Variants in CDK13 observed in about 807,000 individuals in gnomAD.
CDK13 encodes the protein cyclin dependent kinase 13, also known as cyclin-dependent kinase 13.
Under a neutral mutation model 137.6 loss-of-function variants are expected in CDK13, and 40 were observed. That is an observed-to-expected ratio of 0.29 (90% CI 0.23 to 0.38). The LOEUF (loss-of-function observed/expected upper bound fraction) is 0.38. Ranked by LOEUF, CDK13 falls within the 10% of genes least tolerant of loss-of-function variation. CDK13 has a pLI of 1.00. For synonymous variants in CDK13, 869 were observed against 760.1 expected (o/e 1.14, Z -2.36); for missense variants, 1,704 against 1,951.8 (o/e 0.87, Z 2.39).
At chr7:40,006,555 TG>T (rs1332223735) in intron 5 of CDK13, among the ~76,000 whole-genome samples, 1 of 152,190 alleles carries the variant, frequency 6.6e-6, no homozygotes, top group African/African-American at 2.4e-5. Context: ...GGCTAACACC[TG>T]TAATCCCAGC....
In CDK13 at chr7:40,064,782, C is replaced by CTT. The variant is rs545885222; in HGVS notation, c.2780+1698_2780+1699dup. Among the ~76,000 whole-genome samples the CTT allele has an allele frequency of 1.9e-3, 251 of 134,544 alleles. 1 individual carries two copies. Among genetic ancestry groups the CTT allele is most frequent in the South Asian group, 6.7e-3 (28 of 4,166 alleles). 88.3% of individuals were successfully genotyped at this position (134,544 alleles called of 152,430 possible). ...TGAAACATAGAAAACTTTTATGTTA[C>CTT]TTTTTTTTTTTTTTTTTCCTGTTTT... On this transcript the variant is annotated intron_variant, in intron 9 of 13. Coordinates refer to ENST00000181839, the MANE Select transcript of CDK13 (RefSeq NM_003718.5).
chr7:39,979,287 G>T (rs1378168685), intron 1 of CDK13, among the ~76,000 whole-genome samples: 1 of 150,398 alleles, frequency 6.6e-6, no homozygotes, highest in Non-Finnish European at 1.5e-5. Context: ...CATGATCTCG[G>T]TTCACCGCAA....
At chr7:40,037,967 GA>G (rs1177740309) in intron 5 of CDK13, among the ~76,000 whole-genome samples, 2 of 152,058 alleles carry the variant, frequency 1.3e-5, no homozygotes, top group Non-Finnish European at 2.9e-5. Context: ...CCTAAATGTG[GA>G]TATGTTTCCA....
chr7:40,063,015 T>C lies in CDK13; in HGVS notation c.2703-8T>C. On this transcript the variant is annotated splice_polypyrimidine_tract_variant and splice_region_variant and intron_variant, in intron 8 of 13. Transcript: ENST00000181839. Reference sequence around the variant, plus strand: ...TCATTTGGTAATGACGGGTATTTTTTCCATTAGCTGTATCCTTGGCGAACT... The same window carrying C: ...TCATTTGGTAATGACGGGTATTTTTCCCATTAGCTGTATCCTTGGCGAACT... The C allele has an allele frequency of 6.2e-7, 1 of 1,613,280 alleles. No homozygotes were observed. Among genetic ancestry groups the C allele is most frequent in the South Asian group, 1.1e-5 (1 of 91,056 alleles).
intron 7 of CDK13, among the ~76,000 whole-genome samples, chr7:40,056,761 G>A (rs1422892480): frequency 1.3e-5 from 2 of 152,182 alleles, no homozygotes; most frequent in African/African-American, 4.8e-5. Context: ...ATATCATAAG[G>A]ATGTAGACTT....
In CDK13 at chr7:39,988,007, G is replaced by A. The variant is rs2116267162; in HGVS notation, c.1620G>A (p.Lys540=). ...TAAAAAATGACAAAGCAAAAACAAAGCCACCTCTTCAGGTAACGAAGGTGG... is the reference window on the plus strand; with the variant it reads ...TAAAAAATGACAAAGCAAAAACAAAACCACCTCTTCAGGTAACGAAGGTGG... ...GTLKNDKAKT[K]PPLQVTKVEN... is the part of the protein sequence containing the mutation. The change falls in exon 2 of 14, where the codon AAG becomes AAA. Residue 540 remains lysine, a synonymous_variant. Transcript: ENST00000181839. 6.2e-7 allele frequency: 1 copy of A among 1,614,020 alleles called. No individual in the cohort carries two copies. Among genetic ancestry groups the A allele is most frequent in the Non-Finnish European group, 8.5e-7 (1 of 1,179,956 alleles).
At position 39,950,306 on chromosome 7, in the gene CDK13, C is replaced by A. The variant is rs1026401517; in HGVS notation, c.-336C>A. 10 of 1,104,382 alleles carry A rather than the reference C, an allele frequency of 9.1e-6. No homozygotes were observed. The highest frequency in any genetic ancestry group is 5.0e-5 in the East Asian group (1 of 19,868). 68.4% of individuals were successfully genotyped at this position (1,104,382 alleles called of 1,614,324 possible). A position where few individuals can be genotyped will look rare whatever the true frequency, so the allele number is the denominator to read the frequency against. ...GAGAGCGCGGCCAAGGCCGCTCCCC[C>A]ACCCCCGGGGGCACTTGGAGGACTC... On this transcript the variant is annotated 5_prime_UTR_variant, in exon 1 of 14. Transcript: ENST00000181839.
At chr7:39,992,809 C>T (rs1253408526) in intron 2 of CDK13, among the ~76,000 whole-genome samples, 1 of 151,884 alleles carries the variant, frequency 6.6e-6, no homozygotes, top group Non-Finnish European at 1.5e-5. Flanking sequence ...CTTTATTTCC[C>T]ATAATCTGGA....
chr7:40,071,862 C>T (rs1362763231), intron 9 of CDK13: 5 of 152,036 alleles, frequency 3.3e-5, no homozygotes, highest in Non-Finnish European at 7.4e-5. Flanking sequence ...TGACTTTGTT[C>T]CTATTTGAGA....
intron 3 of CDK13, chr7:39,998,038 T>A (rs995550756): frequency 4.1e-5 from 7 of 172,672 alleles, no homozygotes; most frequent in Non-Finnish European, 7.3e-5. Flanking sequence ...TTTCCTTTGC[T>A]TTTAGCTCCA....
At chr7:40,069,470 T>G in intron 9 of CDK13, 1 of 300,730 alleles carries the variant, frequency 3.3e-6, no homozygotes, top group Non-Finnish European at 6.9e-6. Flanking sequence ...GCTCTTAAGT[T>G]TTTTTCTTCA....
At chr7:40,006,981 C>T (rs1383660205) in intron 5 of CDK13, among the ~76,000 whole-genome samples, 1 of 152,158 alleles carries the variant, frequency 6.6e-6, no homozygotes, top group Non-Finnish European at 1.5e-5. Context: ...GGTACTAACT[C>T]TGCATAGTAA....
intron 11 of CDK13, among the ~76,000 whole-genome samples, chr7:40,084,626 A>G (rs903010389): frequency 5.9e-5 from 9 of 152,274 alleles, no homozygotes; most frequent in African/African-American, 4.8e-5. Context: ...TAAGCCATTT[A>G]TAAGACAAAA....
rs758692200 is a variant in CDK13, at chr7:39,987,899, C to T, written c.1512C>T (p.Ala504=). Residue 504 remains alanine (A), a synonymous_variant, in exon 2 of 14, where the codon GCC becomes GCT. Coordinates refer to ENST00000181839, the MANE Select transcript of CDK13 (RefSeq NM_003718.5). ...CCAAGGGGAACACGGAAACTAGTGCCAGTGCATCACAAACAAACCATGTGA... is the reference window on the plus strand; with the variant it reads ...CCAAGGGGAACACGGAAACTAGTGCTAGTGCATCACAAACAAACCATGTGA... ...TPTKGNTETS[A]SASQTNHVKD... is the part of the protein sequence containing the mutation. The T allele has an allele frequency of 3.1e-5, 50 of 1,614,056 alleles. No individual in the cohort carries two copies. In the South Asian group the frequency reaches 5.5e-4, roughly 18 times the overall value.
At chr7:39,964,568 C>A (rs1285185419) in intron 1 of CDK13, among the ~76,000 whole-genome samples, 3 of 151,410 alleles carry the variant, frequency 2.0e-5, no homozygotes, top group African/African-American at 7.3e-5. Flanking sequence ...TTTAAAAAAA[C>A]CAGCTCCTGG....
intron 1 of CDK13, among the ~76,000 whole-genome samples, chr7:39,964,170 A>G (rs1375307942): frequency 6.6e-6 from 1 of 152,112 alleles, no homozygotes; most frequent in African/African-American, 2.4e-5. Context: ...TTTTCTATTG[A>G]TTGGAATAGT....
chr7:40,091,025 A>G (rs189802086), intron 12 of CDK13, among the ~76,000 whole-genome samples: 443 of 151,988 alleles, frequency 2.9e-3, no homozygotes, highest in African/African-American at 0.01. Context: ...AGCCTGGCCA[A>G]CATGGCAAAA....
At chr7:40,017,855 A>G (rs933946348) in intron 5 of CDK13, among the ~76,000 whole-genome samples, 1 of 151,758 alleles carries the variant, frequency 6.6e-6, no homozygotes. Context: ...AAAAGTATTC[A>G]GGTATCTTAA....
intron 2 of CDK13, among the ~76,000 whole-genome samples, chr7:39,992,192 G>A (rs866505144): frequency 5.4e-5 from 7 of 128,938 alleles, no homozygotes; most frequent in African/African-American, 1.8e-4. Flanking sequence ...GTGTGTGTGT[G>A]TGTGTGTGTA....
Sources: allele counts gnomAD v4.1 joint callset (sites outside exome capture counted in the v4.1 genomes callset), GRCh38; gene constraint gnomAD v4.1.1; transcripts MANE v1.5; gene names NCBI Gene and HGNC (gene_info 2026-07-23, HGNC 2026-07-21).